The following GRM8 variants were observed in gnomAD, a reference collection of about 807,000 sequenced individuals.
GRM8 encodes metabotropic glutamate receptor 8.
Under a neutral mutation model 87.2 loss-of-function variants are expected in GRM8, and 47 were observed. The observed-to-expected ratio is 0.54, with a 90% CI of 0.43 to 0.69. The LOEUF (loss-of-function observed/expected upper bound fraction) is 0.69. GRM8 is among the 30% of genes least tolerant of loss of function. GRM8 has a pLI of 0.00. For missense variants in GRM8, 1,019 were observed against 1,139.2 expected (o/e 0.89, Z 1.52); for synonymous variants, 396 against 404.5 (o/e 0.98, Z 0.25).
Position 126,990,005 on chromosome 7 carries a change from G to A in GRM8, c.728-85322C>T, listed in dbSNP as rs538894621. On this transcript the variant is annotated intron_variant, in intron 3 of 10. Transcript: ENST00000339582. The stretch of plus-strand genomic sequence containing the variant: ...GAAAAGCACCCCGAAGCCCTCGGGC[G>A]GAAAATTGGATTAAAACCTTAAAGA... Among the ~76,000 whole-genome samples the A allele has an allele frequency of 1.8e-4, 28 of 152,082 alleles. 1 individual carries two copies. The highest frequency in any genetic ancestry group is 6.2e-4 in the South Asian group (3 of 4,808).
chr7:126,565,686 T>C lies in GRM8; in HGVS notation c.1495-31799A>G, dbSNP rs1313840059. Among the ~76,000 whole-genome samples the C allele has an allele frequency of 2.0e-5, 3 of 149,806 alleles. No homozygotes were observed. In the East Asian group the frequency reaches 5.9e-4, roughly 30 times the overall value. On this transcript the variant is annotated intron_variant, in intron 8 of 10. Transcript: ENST00000339582. ...AGAAATTTCATAGAAGTAGAAAAAA[T>C]CCTAAAATTTATATTAAACTATAAA...
At chr7:126,534,765 A>G (rs7776779) in intron 8 of GRM8, among the ~76,000 whole-genome samples, 55,706 of 152,132 alleles carry the variant, frequency 0.37, 10,367 homozygotes, top group Middle Eastern at 0.41. Context: ...CAGTAATTTT[A>G]GCAGAATGCT....
intron 7 of GRM8, among the ~76,000 whole-genome samples, chr7:126,626,758 G>A (rs1307979939): frequency 1.3e-5 from 2 of 152,174 alleles, no homozygotes; most frequent in East Asian, 1.9e-4. Context: ...GTTGGCTCAT[G>A]CCTGTAATCC....
At chr7:126,797,577 TA>T (rs1822103109) in intron 6 of GRM8, among the ~76,000 whole-genome samples, 1 of 152,068 alleles carries the variant, frequency 6.6e-6, no homozygotes, top group Non-Finnish European at 1.5e-5. Flanking sequence ...AACTCTCAAG[TA>T]ACAGAAGTGA....
intron 7 of GRM8, among the ~76,000 whole-genome samples, chr7:126,682,914 T>C (rs1410898922): frequency 6.6e-6 from 1 of 152,130 alleles, no homozygotes; most frequent in African/African-American, 2.4e-5. Flanking sequence ...CTGGGCATAG[T>C]GGCACGCCCC....
At chr7:127,189,653 G>A (rs1490091957) in intron 2 of GRM8, among the ~76,000 whole-genome samples, 1 of 152,116 alleles carries the variant, frequency 6.6e-6, no homozygotes, top group African/African-American at 2.4e-5. Context: ...AGAAACAAAG[G>A]AAAGGAGGTA....
chr7:126,818,125 G>C lies in GRM8; in HGVS notation c.1157-48060C>G, dbSNP rs534979664. ...TTGTTTCCAACTGGATAAAAAGGAA[G>C]ATGGTAAAGGAAAAGGAATCTTCTA... On this transcript the variant is annotated intron_variant, in intron 6 of 10. Coordinates refer to ENST00000339582, the MANE Select transcript of GRM8 (RefSeq NM_000845.3). 1.7e-4 allele frequency among the ~76,000 whole-genome samples: 26 copies of C among 151,998 alleles called. No homozygotes were observed. The South Asian group carries it at 5.4e-3, about 31-fold the overall frequency.
intron 3 of GRM8, among the ~76,000 whole-genome samples, chr7:127,089,652 G>A (rs1823862405): frequency 6.6e-6 from 1 of 152,188 alleles, no homozygotes; most frequent in Non-Finnish European, 1.5e-5. Flanking sequence ...ACTGTTTTAA[G>A]TTTTTGTACC....
At chr7:126,485,648 A>G (rs1226220926) in intron 9 of GRM8, among the ~76,000 whole-genome samples, 1 of 151,996 alleles carries the variant, frequency 6.6e-6, no homozygotes, top group Non-Finnish European at 1.5e-5. Context: ...AGGGAGACAA[A>G]ACTGAAGACT....
chr7:127,006,736 A>G (rs1421366659), intron 3 of GRM8, among the ~76,000 whole-genome samples: 1 of 151,860 alleles, frequency 6.6e-6, no homozygotes, highest in Non-Finnish European at 1.5e-5. Flanking sequence ...TCCTCTCAAT[A>G]TTCTCCAGAG....
At chr7:126,599,026 G>T (rs1797477166) in intron 8 of GRM8, among the ~76,000 whole-genome samples, 1 of 152,080 alleles carries the variant, frequency 6.6e-6, no homozygotes, top group African/African-American at 2.4e-5. Context: ...CCTGCATTAT[G>T]AAGTCCTTGT....
chr7:126,891,769 T>C (rs1184432323), intron 6 of GRM8, among the ~76,000 whole-genome samples: 1 of 152,076 alleles, frequency 6.6e-6, no homozygotes, highest in Non-Finnish European at 1.5e-5. Flanking sequence ...CTGGGCTAAA[T>C]TATTCACCTT....
At chr7:127,212,576 T>C (rs1032324971) in intron 2 of GRM8, among the ~76,000 whole-genome samples, 3 of 151,940 alleles carry the variant, frequency 2.0e-5, no homozygotes, top group South Asian at 2.1e-4. Flanking sequence ...CGCCACTACG[T>C]CCGGCTAATT....
intron 8 of GRM8, among the ~76,000 whole-genome samples, chr7:126,550,925 GA>G (rs971565030): frequency 2.7e-5 from 4 of 149,150 alleles, no homozygotes; most frequent in Non-Finnish European, 4.5e-5. Flanking sequence ...AATTGAGGGA[GA>G]AAAAAAAGAG....
chr7:126,910,667 A>G (rs1281376814), intron 3 of GRM8, among the ~76,000 whole-genome samples: 1 of 152,206 alleles, frequency 6.6e-6, no homozygotes, highest in Non-Finnish European at 1.5e-5. Flanking sequence ...AATACTACCT[A>G]GGCCTTAGTG....
At chr7:126,644,388 T>C (rs1802808918) in intron 7 of GRM8, among the ~76,000 whole-genome samples, 1 of 152,172 alleles carries the variant, frequency 6.6e-6, no homozygotes, top group South Asian at 2.1e-4. Context: ...TAAGATCTAA[T>C]TTTCAAGGCT....
At chr7:126,702,765 A>T (rs1455294063) in intron 7 of GRM8, among the ~76,000 whole-genome samples, 1 of 152,180 alleles carries the variant, frequency 6.6e-6, no homozygotes, top group East Asian at 1.9e-4. Flanking sequence ...GCTATTCCCA[A>T]GACCTTCTAA....
At chr7:126,455,681 A>G (rs935067914) in intron 9 of GRM8, among the ~76,000 whole-genome samples, 2 of 151,726 alleles carry the variant, frequency 1.3e-5, no homozygotes, top group Non-Finnish European at 3.0e-5. Context: ...TTGAGTTTGC[A>G]CTGGGTTGGA....
At chr7:126,976,170 C>A (rs760551221) in intron 3 of GRM8, among the ~76,000 whole-genome samples, 1 of 152,178 alleles carries the variant, frequency 6.6e-6, no homozygotes, top group African/African-American at 2.4e-5. Flanking sequence ...TATTTTCAAA[C>A]CTTAGATACC....
Sources: allele counts gnomAD v4.1 joint callset (sites outside exome capture counted in the v4.1 genomes callset), GRCh38; gene constraint gnomAD v4.1.1; transcripts MANE v1.5; gene names NCBI Gene and HGNC (gene_info 2026-07-23, HGNC 2026-07-21).